SBNO2: variants seen among roughly 807,000 people sequenced by gnomAD.
SBNO2 encodes strawberry notch homolog 2, also known as protein strawberry notch homolog 2.
A neutral mutation model predicts 146.3 loss-of-function variants in SBNO2; 89 were observed. The observed-to-expected ratio is 0.61, with a 90% CI of 0.51 to 0.73. The LOEUF is 0.73. Ranked by LOEUF, SBNO2 falls within the 30% of genes least tolerant of loss-of-function variation. The pLI is 0.00. For synonymous variants in SBNO2, 1,147 were observed against 892.6 expected (o/e 1.29, Z -5.08); for missense variants, 2,092 against 2,003.7 (o/e 1.04, Z -0.84).
Position 1,117,366 on chromosome 19 carries a change from C to A in SBNO2, c.1661G>T (p.Arg554Leu). Residue 554 changes from arginine (R) to leucine (L), a missense_variant, in exon 15 of 32, where the codon CGC becomes CTC. By Grantham distance (102) the Arg-to-Leu change is moderately radical (BLOSUM62 -2). Transcript: ENST00000361757. ...FKYLCIAAKV[R>L]RLVELAREEL... Reference sequence around the variant, plus strand: ...CTCTCGGGCCAGCTCCACCAGCCGGCGCACCTTGGCTGCGATGCACAGATA... The same window carrying A: ...CTCTCGGGCCAGCTCCACCAGCCGGAGCACCTTGGCTGCGATGCACAGATA... 1 of 1,583,078 alleles carries A rather than the reference C, an allele frequency of 6.3e-7. No homozygotes were observed. Among genetic ancestry groups the A allele is most frequent in the Non-Finnish European group, 8.6e-7 (1 of 1,166,032 alleles).
At chr19:1,170,054 C>T (rs1257732992) in intron 1 of SBNO2, among the ~76,000 whole-genome samples, 2 of 152,242 alleles carry the variant, frequency 1.3e-5, no homozygotes, top group South Asian at 2.1e-4. Flanking sequence ...GTCACATGAA[C>T]GGAGTCACGT....
At chr19:1,171,057 A>G (rs2080472741) in intron 1 of SBNO2, among the ~76,000 whole-genome samples, 1 of 152,038 alleles carries the variant, frequency 6.6e-6, no homozygotes, top group African/African-American at 2.4e-5. Context: ...GAACATGGGT[A>G]CACACAGGCA....
chr19:1,146,540 C>A, intron 4 of SBNO2, among the ~76,000 whole-genome samples: 1 of 152,036 alleles, frequency 6.6e-6, no homozygotes, highest in Non-Finnish European at 1.5e-5. Flanking sequence ...CACCAGGTGA[C>A]CCTCGCTCCC....
chr19:1,129,610 C>T (rs888548321), intron 4 of SBNO2, among the ~76,000 whole-genome samples: 1 of 152,108 alleles, frequency 6.6e-6, no homozygotes, highest in Non-Finnish European at 1.5e-5. Context: ...GAGGGCCCTC[C>T]GGACACTGCC....
intron 1 of SBNO2, among the ~76,000 whole-genome samples, chr19:1,160,181 G>A (rs1477800780): frequency 6.6e-6 from 1 of 152,178 alleles, no homozygotes; most frequent in Non-Finnish European, 1.5e-5. Context: ...CGAGGCTGAG[G>A]GAGCGGGAAG....
At position 1,122,683 on chromosome 19, in the gene SBNO2, G is replaced by A. The variant is rs1248731010; in HGVS notation, c.889C>T (p.Leu297=). The part of the protein sequence containing the change: ...TVAGVILENH[L]RGRKKALWFS... ...CACAATGCTTTCTTCCGGCCGCGCA[G>A]GTGGTTCTCCAGGATGACTCCGGCC... Residue 297 remains leucine, a synonymous_variant, in exon 9 of 32, where the codon CTG becomes TTG. Coordinates refer to ENST00000361757, the MANE Select transcript of SBNO2 (RefSeq NM_014963.3). 3.3e-6 allele frequency: 5 copies of A among 1,533,532 alleles called. No homozygotes were observed. The highest frequency in any genetic ancestry group is 4.4e-6 in the Non-Finnish European group (5 of 1,145,034). 95.0% of individuals were successfully genotyped at this position (1,533,532 alleles called of 1,614,324 possible). A position where few individuals can be genotyped will look rare whatever the true frequency, so the allele number is the denominator to read the frequency against.
At position 1,112,392 on chromosome 19, in the gene SBNO2, C is replaced by T; in HGVS notation, c.2515+10G>A. 6.3e-7 allele frequency: 1 copy of T among 1,595,922 alleles called. No homozygotes were observed. Among genetic ancestry groups the T allele is most frequent in the East Asian group, 2.3e-5 (1 of 44,400 alleles). Reference sequence around the variant, plus strand: ...GGGCCAGGCAGCGCTGGGGGCGGGGCCGGACTCACCGAACTGCTGGATGGC... The same window carrying T: ...GGGCCAGGCAGCGCTGGGGGCGGGGTCGGACTCACCGAACTGCTGGATGGC... On this transcript the variant is annotated intron_variant, in intron 21 of 31. Transcript: ENST00000361757. This position sits in a 1 kb window ranked among gnomAD's most constrained non-coding sequence, Gnocchi z 5.9.
intron 1 of SBNO2, among the ~76,000 whole-genome samples, chr19:1,163,719 G>A (rs1334473862): frequency 6.6e-6 from 1 of 152,218 alleles, no homozygotes; most frequent in East Asian, 1.9e-4. Context: ...GAAGCCTGGG[G>A]GCCCCAGACC....
At chr19:1,148,117 C>A (rs1386072098) in intron 3 of SBNO2, among the ~76,000 whole-genome samples, 2 of 152,036 alleles carry the variant, frequency 1.3e-5, no homozygotes, top group Admixed American at 1.3e-4. Context: ...CCAGGCTCTC[C>A]CTCCAGAAGC....
intron 4 of SBNO2, among the ~76,000 whole-genome samples, chr19:1,133,529 C>A (rs549817286): frequency 4.6e-5 from 7 of 152,352 alleles, no homozygotes; most frequent in Non-Finnish European, 7.3e-5. Flanking sequence ...ACCGCAGCAG[C>A]GGAGGCTGGT....
intron 17 of SBNO2, chr19:1,115,705 G>A (rs368209160): frequency 1.7e-5 from 8 of 481,344 alleles, no homozygotes; most frequent in Admixed American, 1.1e-4. Context: ...CCAAGGGACC[G>A]TGGAGACCCT....
chr19:1,173,889 G>A lies in SBNO2; in HGVS notation c.-127+283C>T, dbSNP rs1360063892. On this transcript the variant is annotated intron_variant, in intron 1 of 31. Transcript: ENST00000361757. The surrounding 1 kb of genome is among the most constrained non-coding windows in gnomAD (Gnocchi z 4.7). ...TTGGGAGGGTTGTCGTGGAAGGTAG[G>A]GTTAAGGTTCACGGCAGGGGGTCGC... The A allele has an allele frequency of 6.6e-6, 1 of 150,378 alleles. No individual in the cohort carries two copies. The highest frequency in any genetic ancestry group is 2.5e-5 in the African/African-American group (1 of 40,816). 9.3% of individuals were successfully genotyped at this position (150,378 alleles called of 1,614,324 possible).
chr19:1,171,484 T>A (rs568979969), intron 1 of SBNO2, among the ~76,000 whole-genome samples: 1 of 151,172 alleles, frequency 6.6e-6, no homozygotes, highest in African/African-American at 2.4e-5. Flanking sequence ...CCTCCAGGAG[T>A]GTTTACAGCT....
At chr19:1,134,053 C>T (rs1203014151) in intron 4 of SBNO2, among the ~76,000 whole-genome samples, 4 of 152,072 alleles carry the variant, frequency 2.6e-5, no homozygotes, top group Non-Finnish European at 4.4e-5. Flanking sequence ...ACTCACAGCT[C>T]ACAGGACCCA....
chr19:1,163,922 C>T (rs2080375344), intron 1 of SBNO2, among the ~76,000 whole-genome samples: 1 of 152,196 alleles, frequency 6.6e-6, no homozygotes, highest in South Asian at 2.1e-4. Context: ...CCGCCCCATA[C>T]CCCAGGAGCC....
intron 15 of SBNO2, 59 bp downstream of exon 15, chr19:1,117,264 G>A (rs1468433049): frequency 2.6e-5 from 38 of 1,471,740 alleles, no homozygotes; most frequent in East Asian, 7.4e-5. Context: ...TGGAAGAAGA[G>A]CAGCCTCCGC....
chr19:1,124,770 G>C (rs559299696), intron 5 of SBNO2, among the ~76,000 whole-genome samples: 1 of 152,176 alleles, frequency 6.6e-6, no homozygotes, highest in Non-Finnish European at 1.5e-5. Context: ...CACTGTCCTC[G>C]GGGAGCTGAC....
intron 12 of SBNO2, 107 bp downstream of exon 12, chr19:1,119,799 A>C (rs1195836035): frequency 3.0e-6 from 3 of 985,924 alleles, no homozygotes; most frequent in South Asian, 2.9e-5. Flanking sequence ...GAGGAGGAGC[A>C]GGGTGCAGAC....
At chr19:1,120,337 A>G (rs2079886005) in intron 11 of SBNO2, among the ~76,000 whole-genome samples, 1 of 152,194 alleles carries the variant, frequency 6.6e-6, no homozygotes, top group African/African-American at 2.4e-5. Context: ...GGACGTTGCC[A>G]TCGGAGGAGG....
Sources: gnomAD v4.1 joint callset for allele counts (sites outside exome capture counted in the v4.1 genomes callset) on GRCh38, gnomAD v4.1.1 for gene constraint, Gnocchi (gnomAD v3.1) non-coding constraint, MANE v1.5 for transcripts, NCBI Gene and HGNC (gene_info 2026-07-23, HGNC 2026-07-21) for gene names.